BAZ2B: variants seen among roughly 807,000 people sequenced by gnomAD.
BAZ2B encodes the protein bromodomain adjacent to zinc finger domain 2B.
Under a neutral mutation model 246.0 loss-of-function variants are expected in BAZ2B, and 91 were observed. The ratio of observed to expected loss-of-function variants is 0.37; its 90% CI spans 0.31 to 0.44. The LOEUF (loss-of-function observed/expected upper bound fraction) is 0.44. Among genes scored for constraint, BAZ2B ranks in the 20% least tolerant of loss-of-function variants. The pLI is 1.00. For missense variants in BAZ2B, 2,332 were observed against 2,533.7 expected (o/e 0.92, Z 1.71); for synonymous variants, 855 against 860.0 (o/e 0.99, Z 0.10).
At chr2:159,425,684 T>TA in intron 13 of BAZ2B, among the ~76,000 whole-genome samples, 1 of 152,350 alleles carries the variant, frequency 6.6e-6, no homozygotes, top group South Asian at 2.1e-4. Flanking sequence ...AAAGCAGATA[T>TA]ATTGTAAATA....
At chr2:159,687,165 T>C in the BAZ2B span, among the ~76,000 whole-genome samples, 5 of 151,806 alleles carry the variant, frequency 3.3e-5, no homozygotes, top group Non-Finnish European at 5.9e-5. Context: ...ACTGTGAAAA[T>C]AGAGTATTTG....
chr2:159,480,021 G>A (rs983440831), intron 2 of BAZ2B, among the ~76,000 whole-genome samples: 1 of 152,094 alleles, frequency 6.6e-6, no homozygotes, highest in South Asian at 2.1e-4. Context: ...TGCAACTAAT[G>A]TTTAAAGAGT....
intron 2 of BAZ2B, among the ~76,000 whole-genome samples, chr2:159,501,193 A>ATATATAT (rs2081740840): frequency 4.0e-5 from 4 of 99,152 alleles, no homozygotes; most frequent in Non-Finnish European, 7.8e-5. Flanking sequence ...TTTATATATA[A>ATATATAT]TATATATATT....
chr2:159,461,010 C>A (rs1036363700), intron 3 of BAZ2B: 11 of 152,386 alleles, frequency 7.2e-5, no homozygotes, highest in African/African-American at 2.7e-4. Context: ...GTATGGATGA[C>A]AAATAATACA....
intron 2 of BAZ2B, among the ~76,000 whole-genome samples, chr2:159,502,595 C>T (rs2081961444): frequency 6.6e-6 from 1 of 152,108 alleles, no homozygotes; most frequent in South Asian, 2.1e-4. Context: ...GATCGTGACA[C>T]TGTACTCCAG....
At chr2:159,711,408 TGTTA>T in the BAZ2B span, among the ~76,000 whole-genome samples, 29 of 152,336 alleles carry the variant, frequency 1.9e-4, no homozygotes, top group East Asian at 5.6e-3. Flanking sequence ...ATGTACAGTC[TGTTA>T]GTCCCCAAGA....
At chr2:159,571,065 G>C (rs960805709) in intron 1 of BAZ2B, among the ~76,000 whole-genome samples, 1 of 152,068 alleles carries the variant, frequency 6.6e-6, no homozygotes, top group East Asian at 1.9e-4. Context: ...TGTTGACCAG[G>C]CTGGTCTTGA....
At chr2:159,560,922 C>G (rs946069147) in intron 1 of BAZ2B, among the ~76,000 whole-genome samples, 1 of 152,020 alleles carries the variant, frequency 6.6e-6, no homozygotes, top group African/African-American at 2.4e-5. Context: ...AGGATATAAG[C>G]AATACTTTTT....
At position 159,616,261 on chromosome 2, in the gene BAZ2B, G is replaced by A. The variant is rs1009763036; in HGVS notation, c.-65C>T. The A allele has an allele frequency of 1.6e-4, 25 of 152,264 alleles. No homozygotes were observed. The highest frequency in any genetic ancestry group is 4.6e-4 in the Admixed American group (7 of 15,284). The allele number at this position is 152,264 out of a possible 1,614,324, so 9.4% of individuals were successfully genotyped here. A position where few individuals can be genotyped will look rare whatever the true frequency, so the allele number is the denominator to read the frequency against. On this transcript the variant is annotated 5_prime_UTR_variant, in exon 1 of 37. Coordinates refer to ENST00000392783, the MANE Select transcript of BAZ2B (RefSeq NM_013450.4). ...ACTCACCTTTACTCTCGAACTGAGA[G>A]TTGCGGTAGATGGGATTTTTGCCTT... is the stretch of plus-strand genomic sequence containing the variant.
In BAZ2B at chr2:159,430,932, A is replaced by C. The variant is rs200904019; in HGVS notation, c.2125T>G (p.Cys709Gly). Residue 709 changes from cysteine to glycine, a missense_variant, in exon 10 of 37, where the codon TGT becomes GGT. By Grantham distance (159) the Cys-to-Gly change is radical. Coordinates refer to ENST00000392783, the MANE Select transcript of BAZ2B (RefSeq NM_013450.4). ...AAAGCAGGTGACTGGGATTCAGAAC[A>C]TAAGGCAGCAGGAGCAGAGCCTGGG... ...KAPGSAPAALCSESQSPAFLG... is the reference protein window; with the variant it reads ...KAPGSAPAALGSESQSPAFLG... 3.4e-4 allele frequency: 542 copies of C among 1,614,034 alleles called. 2 individuals are homozygous for C. The African/African-American group carries it at 6.6e-3, about 20-fold the overall frequency.
chr2:159,674,848 C>T, the BAZ2B span, among the ~76,000 whole-genome samples: 2 of 152,018 alleles, frequency 1.3e-5, no homozygotes, highest in Admixed American at 6.6e-5. Flanking sequence ...AATTTCTGAA[C>T]ACAGTATTTG....
intron 21 of BAZ2B, among the ~76,000 whole-genome samples, chr2:159,388,251 G>T (rs910080528): frequency 6.6e-6 from 1 of 152,004 alleles, no homozygotes; most frequent in Non-Finnish European, 1.5e-5. Flanking sequence ...ATATAGAGAT[G>T]AAATGCATTA....
the BAZ2B span, among the ~76,000 whole-genome samples, chr2:159,680,718 A>G: frequency 9.2e-5 from 14 of 152,158 alleles, no homozygotes; most frequent in Non-Finnish European, 1.6e-4. Context: ...GGAATAATAT[A>G]TATTCCTTAT....
At chr2:159,416,711 A>T (rs2067784382) in intron 13 of BAZ2B, among the ~76,000 whole-genome samples, 1 of 152,246 alleles carries the variant, frequency 6.6e-6, no homozygotes, top group South Asian at 2.1e-4. Flanking sequence ...CCTAGAACTT[A>T]GCAGACAAAT....
chr2:159,584,698 G>C (rs763959593), intron 1 of BAZ2B, among the ~76,000 whole-genome samples: 1 of 152,164 alleles, frequency 6.6e-6, no homozygotes, highest in Non-Finnish European at 1.5e-5. Flanking sequence ...AGGATGACAG[G>C]ACATGGTTTA....
the BAZ2B span, among the ~76,000 whole-genome samples, chr2:159,636,932 C>T: frequency 2.6e-5 from 4 of 152,190 alleles, no homozygotes; most frequent in African/African-American, 9.7e-5. Context: ...CATTTCTAGA[C>T]ATACCCTGGG....
the BAZ2B span, among the ~76,000 whole-genome samples, chr2:159,702,226 A>T: frequency 2.0e-5 from 3 of 152,226 alleles, no homozygotes; most frequent in African/African-American, 7.2e-5. Context: ...TGGTCGGTTA[A>T]AAAGCAAAGT....
At chr2:159,595,030 T>G (rs1690324488) in intron 1 of BAZ2B, among the ~76,000 whole-genome samples, 1 of 152,152 alleles carries the variant, frequency 6.6e-6, no homozygotes, top group Admixed American at 6.5e-5. Flanking sequence ...GGACTGATAT[T>G]AAATAATTAT....
At chr2:159,388,998 T>A (rs2062980431) in intron 21 of BAZ2B, among the ~76,000 whole-genome samples, 1 of 152,106 alleles carries the variant, frequency 6.6e-6, no homozygotes, top group African/African-American at 2.4e-5. Context: ...GAGGACCACT[T>A]GAGCCTGGGA....
Sources: allele counts gnomAD v4.1 joint callset (sites outside exome capture counted in the v4.1 genomes callset), GRCh38; gene constraint gnomAD v4.1.1; transcripts MANE v1.5; gene names NCBI Gene and HGNC (gene_info 2026-07-23, HGNC 2026-07-21).